The following MFAP1 variants were observed in gnomAD, a reference collection of about 807,000 sequenced individuals.
MFAP1 encodes the protein microfibril associated protein 1.
A neutral mutation model predicts 62.2 loss-of-function variants in MFAP1; 18 were observed. The ratio of observed to expected loss-of-function variants is 0.29; its 90% CI spans 0.20 to 0.43. The LOEUF (loss-of-function observed/expected upper bound fraction) is 0.43, where lower values mean the gene tolerates loss of function less well. Ranked by LOEUF, MFAP1 falls within the 20% of genes least tolerant of loss-of-function variation. MFAP1 has a pLI of 1.00. For missense variants in MFAP1, 355 were observed against 559.7 expected, an observed-to-expected ratio of 0.63 and a Z score of 3.69; for synonymous variants, 175 against 180.4, an observed-to-expected ratio of 0.97 and a Z score of 0.24.
At chr15:43,808,140 T>C (rs1258385694) in intron 7 of MFAP1, among the ~76,000 whole-genome samples, 1 of 152,234 alleles carries the variant, frequency 6.6e-6, no homozygotes, top group East Asian at 1.9e-4. Context: ...AATGCTGTGA[T>C]ACATATTTAT....
At chr15:43,813,857 C>G (rs929565240) in intron 4 of MFAP1, among the ~76,000 whole-genome samples, 1 of 152,094 alleles carries the variant, frequency 6.6e-6, no homozygotes, top group African/African-American at 2.4e-5. Flanking sequence ...TCTTTGAGAA[C>G]TGCCTAGACA....
In MFAP1 at chr15:43,824,553, G is replaced by A; in HGVS notation, c.17C>T (p.Ala6Val). 1 of 1,614,186 alleles carries A rather than the reference G, an allele frequency of 6.2e-7. No individual in the cohort carries two copies. Among genetic ancestry groups the A allele is most frequent in the African/African-American group, 1.3e-5 (1 of 75,050 alleles). The change falls in exon 1 of 9, where the codon GCT (alanine) becomes GTT (valine). Residue 6 changes from alanine (A) to valine (V), a missense_variant. Ala to Val is a moderately conservative substitution (Grantham distance 64). This residue lies in a region of MFAP1 where 29 missense variants were observed against 46.0 expected (regional missense o/e 0.63). Coordinates refer to ENST00000267812, the MANE Select transcript of MFAP1 (RefSeq NM_005926.3). ...CTGAATGGGCGGTTGCTTCATGAGA[G>A]CGCTTGGGACCGACATGTTGATGGC... MSVPS[A>V]LMKQPPIQST...
intron 7 of MFAP1, 110 bp from the exon 8 acceptor site, chr15:43,805,575 C>A: frequency 1.2e-6 from 1 of 848,612 alleles, no homozygotes; most frequent in South Asian, 2.0e-5. Flanking sequence ...GGGTATTGAG[C>A]CTTTCTTCAA....
intron 6 of MFAP1, among the ~76,000 whole-genome samples, chr15:43,810,315 A>G (rs1158187966): frequency 1.3e-5 from 2 of 150,804 alleles, no homozygotes; most frequent in South Asian, 2.1e-4. Context: ...AGGTGCTTGC[A>G]TGTCATAAAC....
intron 6 of MFAP1, among the ~76,000 whole-genome samples, chr15:43,812,487 A>G (rs979227814): frequency 4.6e-5 from 7 of 152,160 alleles, no homozygotes; most frequent in African/African-American, 1.7e-4. Context: ...CCAGTGAAGG[A>G]TAAGTGAGGT....
intron 4 of MFAP1, among the ~76,000 whole-genome samples, chr15:43,814,294 TG>T (rs1312042446): frequency 6.6e-6 from 1 of 152,088 alleles, no homozygotes; most frequent in Non-Finnish European, 1.5e-5. Flanking sequence ...GCTCTATTAC[TG>T]AAAAAAGAGA....
At chr15:43,818,503 C>A (rs2087448403) in intron 1 of MFAP1, among the ~76,000 whole-genome samples, 1 of 61,994 alleles carries the variant, frequency 1.6e-5, no homozygotes. Flanking sequence ...ATAAAAACTA[C>A]CAAAAAAAAA....
In MFAP1 at chr15:43,824,653, C is replaced by T. The variant is rs773773704; in HGVS notation, c.-84G>A. On this transcript the variant is annotated 5_prime_UTR_variant, in exon 1 of 9. Coordinates refer to ENST00000267812, the MANE Select transcript of MFAP1 (RefSeq NM_005926.3). ...CAACGTCAACGAAGAGAAGAAATTC[C>T]TTCCACCTGAGTCCGCGAACACAGC... is the stretch of plus-strand genomic sequence containing the variant. 4.2e-6 allele frequency: 6 copies of T among 1,429,568 alleles called. No homozygotes were observed. The highest frequency in any genetic ancestry group is 5.9e-6 in the Non-Finnish European group (6 of 1,016,852). 88.6% of individuals were successfully genotyped at this position (1,429,568 alleles called of 1,614,324 possible).
chr15:43,820,806 C>T (rs1230187382), intron 1 of MFAP1, among the ~76,000 whole-genome samples: 8 of 152,144 alleles, frequency 5.3e-5, no homozygotes, highest in Admixed American at 5.2e-4. Context: ...CGAGGTCTCA[C>T]TATGCTGCCC....
intron 2 of MFAP1, among the ~76,000 whole-genome samples, chr15:43,816,642 T>G (rs1786284738): frequency 6.6e-6 from 1 of 152,178 alleles, no homozygotes; most frequent in Admixed American, 6.5e-5. Flanking sequence ...TAAACAGAAC[T>G]GTTTTGGCCC....
chr15:43,820,710 A>G (rs761151100), intron 1 of MFAP1, among the ~76,000 whole-genome samples: 4 of 152,150 alleles, frequency 2.6e-5, no homozygotes, highest in Non-Finnish European at 5.9e-5. Flanking sequence ...GGCTCAAACC[A>G]TTCTCCTGCC....
intron 1 of MFAP1, among the ~76,000 whole-genome samples, chr15:43,821,008 T>C (rs1431206072): frequency 1.3e-5 from 2 of 152,106 alleles, no homozygotes; most frequent in Non-Finnish European, 2.9e-5. Flanking sequence ...TGGGCTAAAG[T>C]GAGCCTCCCT....
At chr15:43,807,273 C>A (rs1039066874) in intron 7 of MFAP1, among the ~76,000 whole-genome samples, 1 of 151,448 alleles carries the variant, frequency 6.6e-6, no homozygotes, top group East Asian at 2.0e-4. Context: ...ATTGCTTGAA[C>A]CCGGGAGGCG....
At position 43,804,979 on chromosome 15, in the gene MFAP1, C is replaced by T. The variant is rs184576245; in HGVS notation, c.*115G>A. The T allele has an allele frequency of 9.6e-4, 1,096 of 1,138,412 alleles. 11 individuals are homozygous for T. The highest frequency in any genetic ancestry group is 7.0e-5 in the Non-Finnish European group (56 of 800,380). The allele number at this position is 1,138,412 out of a possible 1,614,324, so 70.5% of individuals were successfully genotyped here. The stretch of plus-strand genomic sequence containing the variant: ...GGGCTACCCAGTATCACAAGTATAG[C>T]AGTAAGTCCAATATCTGGATACAGG... On this transcript the variant is annotated 3_prime_UTR_variant, in exon 9 of 9. Coordinates refer to ENST00000267812, the MANE Select transcript of MFAP1 (RefSeq NM_005926.3).
At chr15:43,821,299 A>G (rs1026531221) in intron 1 of MFAP1, among the ~76,000 whole-genome samples, 2 of 152,200 alleles carry the variant, frequency 1.3e-5, no homozygotes, top group African/African-American at 4.8e-5. Flanking sequence ...GAAGATGGCA[A>G]CTGCACCTGA....
intron 2 of MFAP1, among the ~76,000 whole-genome samples, chr15:43,816,342 T>C (rs1368619282): frequency 6.7e-6 from 1 of 149,722 alleles, no homozygotes; most frequent in African/African-American, 2.5e-5. Context: ...GCCTGCCAGG[T>C]TCAAGCAATT....
chr15:43,821,956 C>G (rs1298375151), intron 1 of MFAP1, among the ~76,000 whole-genome samples: 1 of 151,774 alleles, frequency 6.6e-6, no homozygotes, highest in Non-Finnish European at 1.5e-5. Flanking sequence ...TAAGAGAAGA[C>G]TCCATAATTA....
chr15:43,805,053 T>A lies in MFAP1; in HGVS notation c.*41A>T, dbSNP rs772808141. ...CAAATCAAGGACCAGATGCTGAGAC[T>A]CCCCTTGTGTTCCACAGTTGGAAGA... On this transcript the variant is annotated 3_prime_UTR_variant, in exon 9 of 9. Coordinates refer to ENST00000267812, the MANE Select transcript of MFAP1 (RefSeq NM_005926.3). 2.6e-6 allele frequency: 4 copies of A among 1,523,680 alleles called. No homozygotes were observed. Among genetic ancestry groups the A allele is most frequent in the Non-Finnish European group, 3.5e-6 (4 of 1,129,974 alleles). 94.4% of individuals were successfully genotyped at this position (1,523,680 alleles called of 1,614,324 possible).
At chr15:43,819,323 G>A (rs1048576182) in intron 1 of MFAP1, among the ~76,000 whole-genome samples, 5 of 152,106 alleles carry the variant, frequency 3.3e-5, no homozygotes, top group African/African-American at 1.2e-4. Flanking sequence ...TTTTTAAAAG[G>A]TAGAGAAAGG....
Sources: allele counts gnomAD v4.1 joint callset (sites outside exome capture counted in the v4.1 genomes callset), GRCh38; gene constraint gnomAD v4.1.1; regional missense constraint gnomAD v4.1.1; transcripts MANE v1.5; gene names NCBI Gene and HGNC (gene_info 2026-07-23, HGNC 2026-07-21).